NREP: variants seen among roughly 807,000 people sequenced by gnomAD.
The protein encoded by NREP is neuronal regeneration-related protein.
In NREP, 5 loss-of-function variants were observed where a neutral mutation model predicts 8.6. That is an observed-to-expected ratio of 0.58 (90% CI 0.30 to 1.22). The LOEUF is 1.22. Ranked by LOEUF, NREP falls within the 50% of genes most tolerant of loss-of-function variation. NREP has a pLI of 0.07. For missense variants in NREP, 86 were observed against 82.5 expected (o/e 1.04, Z -0.17); for synonymous variants, 27 against 28.0 (o/e 0.96, Z 0.11).
chr5:111,806,538 G>A (rs1752144968), intron 2 of NREP, among the ~76,000 whole-genome samples: 1 of 152,170 alleles, frequency 6.6e-6, no homozygotes, highest in Non-Finnish European at 1.5e-5. Flanking sequence ...CCAGTATTTT[G>A]GGGGAGAGGT....
At chr5:111,948,198 TG>T (rs953527987) in intron 2 of NREP, among the ~76,000 whole-genome samples, 2 of 152,126 alleles carry the variant, frequency 1.3e-5, no homozygotes, top group Admixed American at 6.6e-5. Flanking sequence ...TCATCTTTCC[TG>T]TAATGCTATT....
chr5:111,746,898 C>T (rs955446455), intron 2 of NREP, among the ~76,000 whole-genome samples: 1 of 152,140 alleles, frequency 6.6e-6, no homozygotes, highest in Non-Finnish European at 1.5e-5. Context: ...CCCTGCACAG[C>T]ATTCATTCTT....
intron 2 of NREP, among the ~76,000 whole-genome samples, chr5:111,805,624 A>C (rs560687620): frequency 6.6e-6 from 1 of 152,358 alleles, no homozygotes; most frequent in Non-Finnish European, 1.5e-5. Context: ...TTATATATAC[A>C]TCCTATGCTG....
intron 2 of NREP, among the ~76,000 whole-genome samples, chr5:111,779,925 C>T (rs1293752999): frequency 6.6e-6 from 1 of 152,116 alleles, no homozygotes; most frequent in East Asian, 1.9e-4. Flanking sequence ...CTCAGAAGTT[C>T]TGTTCTTAGG....
chr5:111,808,948 A>C (rs1174446865), intron 2 of NREP, among the ~76,000 whole-genome samples: 1 of 152,146 alleles, frequency 6.6e-6, no homozygotes, highest in Non-Finnish European at 1.5e-5. Context: ...ACACTATTAT[A>C]ATTATGTTAT....
At chr5:111,752,830 A>G (rs1458293002) in intron 2 of NREP, among the ~76,000 whole-genome samples, 1 of 152,208 alleles carries the variant, frequency 6.6e-6, no homozygotes, top group Non-Finnish European at 1.5e-5. Flanking sequence ...GTTGAAAACC[A>G]GGACTTAACC....
intron 2 of NREP, among the ~76,000 whole-genome samples, chr5:111,812,425 T>G (rs1044632808): frequency 3.3e-5 from 5 of 152,278 alleles, no homozygotes; most frequent in Admixed American, 1.3e-4. Flanking sequence ...TATTTTAAGA[T>G]TGTAGGTATC....
chr5:111,872,832 C>G (rs1363855035), intron 2 of NREP, among the ~76,000 whole-genome samples: 2 of 152,136 alleles, frequency 1.3e-5, no homozygotes, highest in Non-Finnish European at 2.9e-5. Flanking sequence ...AAGTAGTTAG[C>G]CCTAACACTT....
At chr5:111,865,665 T>A (rs369866571) in intron 2 of NREP, among the ~76,000 whole-genome samples, 1 of 152,160 alleles carries the variant, frequency 6.6e-6, no homozygotes, top group Non-Finnish European at 1.5e-5. Flanking sequence ...TCTTGCAAAA[T>A]CGTAGCTATT....
At chr5:111,738,080 A>T (rs766941425) in intron 2 of NREP, among the ~76,000 whole-genome samples, 1 of 152,192 alleles carries the variant, frequency 6.6e-6, no homozygotes. Flanking sequence ...AGAACTCAGC[A>T]TATCCCTAGA....
At chr5:111,901,451 C>T (rs1170878408) in intron 2 of NREP, among the ~76,000 whole-genome samples, 1 of 152,024 alleles carries the variant, frequency 6.6e-6, no homozygotes, top group East Asian at 1.9e-4. Context: ...CACTCTTATT[C>T]AACACAGTAC....
At position 111,894,520 on chromosome 5, in the gene NREP, A is replaced by C. The variant is rs554312995; in HGVS notation, c.135+80754T>G. On this transcript the variant is annotated intron_variant, in intron 2 of 3. Coordinates refer to the NREP transcript ENST00000395634. ...ATGGTGGGATTTGGAGACTCCTATC[A>C]TTTTCTCTAAATTTGATCTCTCGAG... 5.9e-5 allele frequency among the ~76,000 whole-genome samples: 9 copies of C among 151,802 alleles called. No homozygotes were observed. In the South Asian group the frequency reaches 1.9e-3, roughly 32 times the overall value.
At chr5:111,747,874 C>T (rs1750105818) in intron 2 of NREP, among the ~76,000 whole-genome samples, 1 of 152,078 alleles carries the variant, frequency 6.6e-6, no homozygotes, top group Non-Finnish European at 1.5e-5. Context: ...ACTTTCAAGG[C>T]AAAAAGCTTA....
Position 111,735,497 on chromosome 5 carries a change from G to A in NREP, c.14C>T (p.Pro5Leu). The A allele has an allele frequency of 6.2e-7, 1 of 1,611,790 alleles. No homozygotes were observed. The highest frequency in any genetic ancestry group is 2.2e-5 in the East Asian group (1 of 44,828). The change falls in exon 3 of 4, where the codon CCA (proline) becomes CTA (leucine). Residue 5 changes from proline (P) to leucine (L), a missense_variant. Transcript: ENST00000257435. ...TTGACTGACCCAGACAAAGAGTTCT[G>A]GGTAATAAACCTATAGAGACACAAA... Reference protein sequence around the residue: MVYYPELFVWVSQEP... With the variant: MVYYLELFVWVSQEP...
intron 2 of NREP, among the ~76,000 whole-genome samples, chr5:111,917,731 G>C (rs113761996): frequency 0.064 from 9,743 of 152,130 alleles, 729 homozygotes; most frequent in East Asian, 0.23. Context: ...AGCTATTTAT[G>C]ACAAACCCAC....
Position 111,916,249 on chromosome 5 carries a change from C to CGA in NREP, c.135+59023_135+59024dup, listed in dbSNP as rs561426602. On this transcript the variant is annotated intron_variant, in intron 2 of 3. Transcript: ENST00000395634. ...GAGAGAGTCATTTTCCCAGGACTAC[C>CGA]GAGAGAGAGAGAACAAGGTAGAGAG... 1.6e-4 allele frequency among the ~76,000 whole-genome samples: 25 copies of CGA among 151,650 alleles called. No individual in the cohort carries two copies. In the East Asian group the frequency reaches 2.3e-3, roughly 14 times the overall value.
intron 2 of NREP, among the ~76,000 whole-genome samples, chr5:111,826,796 A>C (rs183234973): frequency 2.1e-4 from 32 of 152,248 alleles, no homozygotes; most frequent in Admixed American, 3.3e-4. Context: ...TGGCCTCCCA[A>C]AGTGCTGGGA....
chr5:111,733,637 G>T (rs572649542), intron 3 of NREP: 1 of 152,204 alleles, frequency 6.6e-6, no homozygotes. Context: ...GTCAGGCCTT[G>T]TAAGAATTCA....
intron 2 of NREP, among the ~76,000 whole-genome samples, chr5:111,882,159 A>G (rs1316734215): frequency 1.3e-5 from 2 of 152,250 alleles, no homozygotes; most frequent in Non-Finnish European, 2.9e-5. Context: ...CTGAAAGCCA[A>G]GGCTGGAGAA....
Sources: gnomAD v4.1 joint callset for allele counts (sites outside exome capture counted in the v4.1 genomes callset) on GRCh38, gnomAD v4.1.1 for gene constraint, MANE v1.5 for transcripts, NCBI Gene and HGNC (gene_info 2026-07-23, HGNC 2026-07-21) for gene names.